CCND3: variants seen among roughly 807,000 people sequenced by gnomAD.
CCND3 encodes the protein G1/S-specific cyclin-D3.
In CCND3, 9 loss-of-function variants were observed where a neutral mutation model predicts 28.7. The ratio of observed to expected loss-of-function variants is 0.31; its 90% CI spans 0.19 to 0.55. The LOEUF (loss-of-function observed/expected upper bound fraction) is 0.55, where lower values mean the gene tolerates loss of function less well. Among genes scored for constraint, CCND3 ranks in the 20% least tolerant of loss-of-function variants. The pLI is 0.93. For synonymous variants in CCND3, 164 were observed against 163.9 expected (o/e 1.00, Z 0.00); for missense variants, 315 against 385.8 (o/e 0.82, Z 1.54).
At chr6:42,029,316 A>C (rs1022511794) in intron 1 of CCND3, among the ~76,000 whole-genome samples, 8 of 152,066 alleles carry the variant, frequency 5.3e-5, no homozygotes, top group African/African-American at 1.7e-4. Flanking sequence ...GTTTTTGAAC[A>C]AGGGCTCTGC....
At chr6:41,962,435 A>G (rs974159648) in intron 1 of CCND3, among the ~76,000 whole-genome samples, 2 of 151,882 alleles carry the variant, frequency 1.3e-5, no homozygotes, top group African/African-American at 2.4e-5. Context: ...AGGAATGCAC[A>G]TGTGCTTCTT....
chr6:41,964,664 C>T (rs1387674192), intron 1 of CCND3, among the ~76,000 whole-genome samples: 1 of 152,012 alleles, frequency 6.6e-6, no homozygotes, highest in Admixed American at 6.6e-5. Flanking sequence ...TGCCAGCAGA[C>T]CCAGCAGGTT....
rs1369434903 is a variant in CCND3 at position 41,996,160 on chromosome 6, T to C, written c.-46+52341A>G. On this transcript the variant is annotated intron_variant, in intron 1 of 4. Transcript: ENST00000372988. ...TATATTTTTTTTGTTTGTTTGTTTG[T>C]TTGTTTGACATGGACTTTCACTCTT... is the stretch of plus-strand genomic sequence containing the variant. 5.4e-5 allele frequency among the ~76,000 whole-genome samples: 8 copies of C among 148,924 alleles called. No individual in the cohort carries two copies. In the East Asian group the frequency reaches 1.6e-3, roughly 29 times the overall value.
In CCND3 at chr6:41,964,495, TGTGA is replaced by T. The variant is rs1287937268; in HGVS notation, c.-45-23914_-45-23911del. On this transcript the variant is annotated intron_variant, in intron 1 of 4. Coordinates refer to the CCND3 transcript ENST00000372988. ...GTGTGAGTGTGTGTGAATGTGTGTGTGTGAGTGTGTGTGTGTGTGAGTGTGTATG... is the reference window on the plus strand; with the variant it reads ...GTGTGAGTGTGTGTGAATGTGTGTGTGTGTGTGTGTGTGTGAGTGTGTATG... Among the ~76,000 whole-genome samples, 26 of 133,920 alleles carry T rather than the reference TGTGA, an allele frequency of 1.9e-4. No homozygotes were observed. In the South Asian group the frequency reaches 2.1e-3, roughly 11 times the overall value. 87.9% of individuals were successfully genotyped at this position (133,920 alleles called of 152,430 possible). A position where few individuals can be genotyped will look rare whatever the true frequency, so the allele number is the denominator to read the frequency against.
At chr6:42,030,605 A>C (rs1764015715) in intron 1 of CCND3, among the ~76,000 whole-genome samples, 1 of 152,088 alleles carries the variant, frequency 6.6e-6, no homozygotes, top group African/African-American at 2.4e-5. Flanking sequence ...TCTCCTCTCC[A>C]TGCCCCAGGT....
At chr6:42,025,725 C>G (rs977713556) in intron 1 of CCND3, among the ~76,000 whole-genome samples, 2 of 152,160 alleles carry the variant, frequency 1.3e-5, no homozygotes, top group African/African-American at 4.8e-5. Flanking sequence ...CTCTGAGTCA[C>G]AAGGGTGGCT....
intron 1 of CCND3, among the ~76,000 whole-genome samples, chr6:41,982,487 T>C (rs1762374682): frequency 6.6e-6 from 1 of 152,118 alleles, no homozygotes; most frequent in Non-Finnish European, 1.5e-5. Flanking sequence ...CTCAATGGTG[T>C]CAAAATGTCC....
chr6:41,940,791 C>A (rs1486688938), intron 1 of CCND3: 21 of 872,570 alleles, frequency 2.4e-5, no homozygotes, highest in Middle Eastern at 2.2e-4. Context: ...CCTCCCCTCT[C>A]CCCTTGACGG....
At position 41,951,565 on chromosome 6, in the gene CCND3, C is replaced by CA. The variant is rs1248664090; in HGVS notation, c.-45-10981dup. Among the ~76,000 whole-genome samples, 440 of 47,476 alleles carry CA rather than the reference C, an allele frequency of 9.3e-3. 48 individuals are homozygous for CA. The highest frequency in any genetic ancestry group is 0.025 in the African/African-American group (370 of 14,512). 31.1% of individuals were successfully genotyped at this position (47,476 alleles called of 152,430 possible). Reference sequence around the variant, plus strand: ...CGACACACACACACACACACACACACACACACACACAAAAAAAAAGATTAA... The same window carrying CA: ...CGACACACACACACACACACACACACAACACACACACAAAAAAAAAGATTAA... On this transcript the variant is annotated intron_variant, in intron 1 of 4. Coordinates refer to the CCND3 transcript ENST00000372988.
At chr6:41,951,000 G>A (rs907610827) in intron 1 of CCND3, among the ~76,000 whole-genome samples, 2 of 151,966 alleles carry the variant, frequency 1.3e-5, no homozygotes, top group Non-Finnish European at 1.5e-5. Context: ...GAGCCACTGC[G>A]CTGGGCCGAG....
chr6:42,025,357 G>A lies in CCND3; in HGVS notation c.-46+23144C>T, dbSNP rs1214883882. ...CTCCACAGAGATTTCCAATTGCCAC[G>A]CCACCTTCTTTCCTGGAGCAAAGAG... On this transcript the variant is annotated intron_variant, in intron 1 of 4. Transcript: ENST00000372988. 2.0e-5 allele frequency among the ~76,000 whole-genome samples: 3 copies of A among 152,152 alleles called. No individual in the cohort carries two copies. The East Asian group carries it at 5.8e-4, about 29-fold the overall frequency.
chr6:41,967,791 A>C (rs1429364509), intron 1 of CCND3, among the ~76,000 whole-genome samples: 1 of 152,172 alleles, frequency 6.6e-6, no homozygotes, highest in Non-Finnish European at 1.5e-5. Flanking sequence ...CAGCTGCGTG[A>C]TTCTTTCCCC....
In CCND3 at chr6:41,948,335, T is replaced by G. The variant is rs564653312; in HGVS notation, c.-45-7750A>C. On this transcript the variant is annotated intron_variant, in intron 1 of 4. Coordinates refer to the CCND3 transcript ENST00000372988. ...AGTAGATGTTCAGTAAGTTTTTTGT[T>G]TTTTTTTGTTTTTTTTTTTGAGACA... Among the ~76,000 whole-genome samples the G allele has an allele frequency of 3.5e-4, 41 of 115,774 alleles. 2 individuals are homozygous for G. In the East Asian group the frequency reaches 0.011, roughly 31 times the overall value. The allele number at this position is 115,774 out of a possible 152,430, so 76.0% of individuals were successfully genotyped here.
intron 1 of CCND3, among the ~76,000 whole-genome samples, chr6:41,980,131 A>AT (rs61407287): frequency 1.2e-4 from 17 of 146,942 alleles, no homozygotes; most frequent in African/African-American, 3.8e-4. Flanking sequence ...GTTTACTGGA[A>AT]TTTTTTTTTT....
chr6:41,986,604 A>G (rs1404119588), intron 1 of CCND3, among the ~76,000 whole-genome samples: 1 of 2,942 alleles, frequency 3.4e-4, no homozygotes, highest in Non-Finnish European at 0.011. Context: ...AAATGTTACT[A>G]CTTTGGTATG....
At chr6:41,992,432 G>A (rs1186523664) in intron 1 of CCND3, among the ~76,000 whole-genome samples, 1 of 142,176 alleles carries the variant, frequency 7.0e-6, no homozygotes. Context: ...AAAGTGCTGG[G>A]ATTACAGGCA....
intron 1 of CCND3, among the ~76,000 whole-genome samples, chr6:41,950,963 C>T (rs1776296578): frequency 6.6e-6 from 1 of 152,046 alleles, no homozygotes; most frequent in African/African-American, 2.4e-5. Flanking sequence ...CCGCCTCGGC[C>T]TCCCAAAGTG....
Position 41,936,840 on chromosome 6 carries a change from T to G in CCND3, c.575-145A>C. 1 of 745,718 alleles carries G rather than the reference T, an allele frequency of 1.3e-6. No individual in the cohort carries two copies. The allele number at this position is 745,718 out of a possible 1,614,324, so 46.2% of individuals were successfully genotyped here. ...AACTCCAGCAGTGGGTGGGGCAAGA[T>G]ATCAGCAAGGGAGGAAGACAGGAAA... On this transcript the variant is annotated intron_variant, in intron 3 of 4. Coordinates refer to ENST00000372991, the MANE Select transcript of CCND3 (RefSeq NM_001760.5). This position sits in a 1 kb window ranked among gnomAD's most constrained non-coding sequence, Gnocchi z 4.4.
At chr6:42,002,203 T>C (rs4437455) in intron 1 of CCND3, among the ~76,000 whole-genome samples, 148,970 of 151,438 alleles carry the variant, frequency 0.98, 73,315 homozygotes, top group East Asian at 1. Context: ...CACAGCACTT[T>C]GGGAGGCCGA....
Sources: allele counts gnomAD v4.1 joint callset (sites outside exome capture counted in the v4.1 genomes callset), GRCh38; gene constraint gnomAD v4.1.1; non-coding constraint Gnocchi (gnomAD v3.1); transcripts MANE v1.5; gene names NCBI Gene and HGNC (gene_info 2026-07-23, HGNC 2026-07-21).